LMF1: variants seen among roughly 807,000 people sequenced by gnomAD.
LMF1 encodes transmembrane protein 112.
LMF1 carries 68 observed loss-of-function variants against 60.6 expected under a neutral mutation model. That is an observed-to-expected ratio of 1.12 (90% CI 0.92 to 1.37). The LOEUF (loss-of-function observed/expected upper bound fraction) is 1.37. Among genes scored for constraint, LMF1 ranks in the 40% most tolerant of loss-of-function variants. The pLI is 0.00. For missense variants in LMF1, 948 were observed against 767.2 expected (o/e 1.24, Z -2.78); for synonymous variants, 418 against 324.7 (o/e 1.29, Z -3.09).
chr16:970,070 G>A (rs1035169841), intron 1 of LMF1, among the ~76,000 whole-genome samples: 28 of 152,238 alleles, frequency 1.8e-4, no homozygotes, highest in African/African-American at 6.8e-4. Context: ...CCACAGTGAG[G>A]CGCAGGCTTC....
At position 856,578 on chromosome 16, in the gene LMF1, C is replaced by G. The variant is rs555273478; in HGVS notation, c.1530-1872G>C. Reference sequence around the variant, plus strand: ...AAATTCCTGCTCTTGCTTTCTGCTCCTTCCCAGGACAGGGTCAAGGCCTAG... The same window carrying G: ...AAATTCCTGCTCTTGCTTTCTGCTCGTTCCCAGGACAGGGTCAAGGCCTAG... On this transcript the variant is annotated intron_variant, in intron 10 of 10. Transcript: ENST00000262301. Among the ~76,000 whole-genome samples the G allele has an allele frequency of 3.9e-5, 6 of 152,342 alleles. No individual in the cohort carries two copies. The South Asian group carries it at 8.3e-4, about 21-fold the overall frequency.
chr16:914,145 A>T (rs1412496464), intron 3 of LMF1, among the ~76,000 whole-genome samples: 1 of 151,216 alleles, frequency 6.6e-6, no homozygotes, highest in Non-Finnish European at 1.5e-5. Flanking sequence ...CATCCCCACC[A>T]CTGCAACCTG....
chr16:864,865 C>A (rs1008372737), intron 10 of LMF1, among the ~76,000 whole-genome samples: 1 of 152,098 alleles, frequency 6.6e-6, no homozygotes. Flanking sequence ...TCAAGTGATA[C>A]ACCTGCCTCA....
chr16:930,717 G>C lies in LMF1; in HGVS notation c.514+3527C>G, dbSNP rs140631935. Among the ~76,000 whole-genome samples the C allele has an allele frequency of 2.3e-4, 35 of 152,364 alleles. No individual in the cohort carries two copies. The East Asian group carries it at 6.7e-3, about 29-fold the overall frequency. On this transcript the variant is annotated intron_variant, in intron 3 of 10. Coordinates refer to ENST00000262301, the MANE Select transcript of LMF1 (RefSeq NM_022773.4). ...CCCGCTCACACCCACAGCATTGTGA[G>C]AGCATGTCCCGGGGAGCCCACGCCG... is the stretch of plus-strand genomic sequence containing the variant.
chr16:894,940 G>A (rs1176599898), intron 4 of LMF1, among the ~76,000 whole-genome samples: 1 of 152,176 alleles, frequency 6.6e-6, no homozygotes, highest in African/African-American at 2.4e-5. Flanking sequence ...AGCTGACAGG[G>A]CTGTCCTGGG....
intron 9 of LMF1, 77 bp from the exon 10 acceptor site, chr16:869,133 C>T: frequency 6.6e-6 from 6 of 913,718 alleles, no homozygotes; most frequent in East Asian, 4.8e-5. Flanking sequence ...CTCGGCTGTG[C>T]CCTCCACTCC....
chr16:926,346 G>A (rs12597966), intron 3 of LMF1, among the ~76,000 whole-genome samples: 1,867 of 152,316 alleles, frequency 0.012, 24 homozygotes, highest in South Asian at 0.097. Context: ...AGGTCTGTGC[G>A]CATGTGTGCA....
intron 2 of LMF1, among the ~76,000 whole-genome samples, chr16:949,419 A>AGCCAACGACAGAGTCAG (rs1490369338): frequency 6.6e-6 from 1 of 150,712 alleles, no homozygotes; most frequent in Non-Finnish European, 1.5e-5. Context: ...AACAACAGTC[A>AGCCAACGACAGAGTCAG]GCCAACGACA....
At chr16:869,837 G>T (rs374763094) in intron 9 of LMF1, 46 bp downstream of exon 9, 2 of 1,578,778 alleles carry the variant, frequency 1.3e-6, no homozygotes, top group Non-Finnish European at 1.7e-6. Flanking sequence ...GCAGAAGAGG[G>T]TGGGGTACAG....
intron 4 of LMF1, chr16:904,920 T>C (rs1596961978): frequency 2.9e-5 from 2 of 69,910 alleles, no homozygotes; most frequent in African/African-American, 1.1e-4. Flanking sequence ...ACAGGACGCC[T>C]GTCTCTGCTG....
At chr16:894,533 G>A (rs1431558438) in intron 4 of LMF1, among the ~76,000 whole-genome samples, 1 of 152,142 alleles carries the variant, frequency 6.6e-6, no homozygotes, top group Non-Finnish European at 1.5e-5. Flanking sequence ...CCACCCCATA[G>A]AGGCCGCATG....
At chr16:978,121 ACACACAC>A (rs1467416417) in intron 1 of LMF1, among the ~76,000 whole-genome samples, 9 of 117,338 alleles carry the variant, frequency 7.7e-5, no homozygotes, top group African/African-American at 1.1e-4. Context: ...CACACACCAT[ACACACAC>A]CACACCACAC....
chr16:861,015 GGTT>G (rs200229576), intron 10 of LMF1, among the ~76,000 whole-genome samples: 1,566 of 145,406 alleles, frequency 0.011, 30 homozygotes, highest in African/African-American at 0.042. Flanking sequence ...CATCTTGCTG[GGTT>G]TTTTTTTTAA....
At chr16:913,151 A>C in intron 3 of LMF1, among the ~76,000 whole-genome samples, 1 of 151,834 alleles carries the variant, frequency 6.6e-6, no homozygotes, top group Admixed American at 6.6e-5. Flanking sequence ...TTCCCCAGGG[A>C]CCTCCCTTCC....
chr16:897,721 G>T lies in LMF1; in HGVS notation c.664-4649C>A, dbSNP rs1250339027. On this transcript the variant is annotated intron_variant, in intron 4 of 10. Coordinates refer to ENST00000262301, the MANE Select transcript of LMF1 (RefSeq NM_022773.4). This position sits in a 1 kb window ranked among gnomAD's most constrained non-coding sequence, Gnocchi z 4.3. ...AAGGGACCGCTGGTGGGCTCCGTGG[G>T]CAGAGGCACTATGGGGTCTATCAAG... Among the ~76,000 whole-genome samples, 1 of 152,176 alleles carries T rather than the reference G, an allele frequency of 6.6e-6. No individual in the cohort carries two copies. Among genetic ancestry groups the T allele is most frequent in the Non-Finnish European group, 1.5e-5 (1 of 68,020 alleles).
In LMF1 at chr16:896,205, T is replaced by C. The variant is rs4984959; in HGVS notation, c.664-3133A>G. Reference sequence around the variant, plus strand: ...GGCTGCACGGTCCACAGACACGCCTTGGAGGGGTTGTGAGGCTCAGCCACC... The same window carrying C: ...GGCTGCACGGTCCACAGACACGCCTCGGAGGGGTTGTGAGGCTCAGCCACC... On this transcript the variant is annotated intron_variant, in intron 4 of 10. Coordinates refer to ENST00000262301, the MANE Select transcript of LMF1 (RefSeq NM_022773.4). 2.2e-3 allele frequency among the ~76,000 whole-genome samples: 58 copies of C among 26,414 alleles called. 6 individuals carry two copies. The highest frequency in any genetic ancestry group is 9.5e-3 in the East Asian group (5 of 524). 17.3% of individuals were successfully genotyped at this position (26,414 alleles called of 152,430 possible). A position where few individuals can be genotyped will look rare whatever the true frequency, so the allele number is the denominator to read the frequency against.
Position 879,679 on chromosome 16 carries a change from T to C in LMF1, c.788A>G (p.His263Arg). Residue 263 changes from histidine to arginine, a missense_variant, in exon 6 of 11, where the codon CAT (histidine) becomes CGT (arginine). His to Arg is a conservative substitution (Grantham distance 29, BLOSUM62 0). Coordinates refer to ENST00000262301, the MANE Select transcript of LMF1 (RefSeq NM_022773.4). Reference protein sequence around the residue: ...YYLHHSPWWFHRFETLSNHFI... With the variant: ...YYLHHSPWWFRRFETLSNHFI... ...GTGGTTGCTGAGCGTCTCGAAGCGA[T>C]GGAACCACCAGGGTGAGTGGTGCAG... The C allele has an allele frequency of 6.2e-7, 1 of 1,609,118 alleles. No individual in the cohort carries two copies.
At chr16:977,623 T>C (rs528478634) in intron 1 of LMF1, among the ~76,000 whole-genome samples, 5 of 151,338 alleles carry the variant, frequency 3.3e-5, no homozygotes, top group Admixed American at 2.6e-4. Flanking sequence ...CCTGTGCTTC[T>C]CAGAGGCCGC....
intron 1 of LMF1, chr16:981,118 G>C (rs1042751550): frequency 2.4e-6 from 1 of 416,808 alleles, no homozygotes. Flanking sequence ...CCCCAGCTCC[G>C]AGCCGCGGCC....
Sources: gnomAD v4.1 joint callset for allele counts (sites outside exome capture counted in the v4.1 genomes callset) on GRCh38, gnomAD v4.1.1 for gene constraint, Gnocchi (gnomAD v3.1) non-coding constraint, MANE v1.5 for transcripts, NCBI Gene and HGNC (gene_info 2026-07-23, HGNC 2026-07-21) for gene names.